Variants in GPR21 observed in about 807,000 individuals in gnomAD.
The protein encoded by GPR21 is probable G protein-coupled receptor 21.
GPR21 carries 9 observed loss-of-function variants against 21.5 expected under a neutral mutation model. The observed-to-expected ratio is 0.42, with a 90% confidence interval of 0.25 to 0.73. The LOEUF (loss-of-function observed/expected upper bound fraction) is 0.73, where lower values mean the gene tolerates loss of function less well. GPR21 is among the 30% of genes least tolerant of loss of function. The pLI, the probability that GPR21 is intolerant of heterozygous loss-of-function variation, is 0.27. For missense variants in GPR21, 416 were observed against 428.9 expected (o/e 0.97, Z 0.27); for synonymous variants, 169 against 159.3 (o/e 1.06, Z -0.46).
chr9:123,034,677 T>G lies in GPR21; in HGVS notation c.111T>G (p.Phe37Leu), dbSNP rs752206999. Residue 37 changes from phenylalanine to leucine, a missense_variant, in exon 2 of 2, where the codon TTT becomes TTG. By Grantham distance (22) the Phe-to-Leu change is conservative. Transcript: ENST00000616002. ...TTTTGGAAGTATTGATTATTGTCTT[T>G]CTAACTGTATTGATTATTTCTGGCA... ...FCLLEVLIIV[F>L]LTVLIISGNI... 6.2e-6 allele frequency: 10 copies of G among 1,613,160 alleles called. No individual in the cohort carries two copies. The highest frequency in any genetic ancestry group is 8.5e-6 in the Non-Finnish European group (10 of 1,179,182).
rs574338611 is a variant in GPR21, at chr9:123,033,913, G to A, written c.-397+171G>A. ...TATAAGCAAATTCCTTTTCTCCCCC[G>A]TCTCAAATGAAAGGAAATGGGGGTA... On this transcript the variant is annotated intron_variant, in intron 1 of 1. Coordinates refer to ENST00000616002, the MANE Select transcript of GPR21 (RefSeq NM_005294.3). 2.7e-4 allele frequency among the ~76,000 whole-genome samples: 41 copies of A among 152,238 alleles called. 1 individual carries two copies. In the South Asian group the frequency reaches 6.9e-3, roughly 25 times the overall value.
the GPR21 span, among the ~76,000 whole-genome samples, chr9:123,046,437 G>A: frequency 1.3e-5 from 2 of 152,306 alleles, no homozygotes; most frequent in African/African-American, 4.8e-5. Context: ...AGGAGACTGT[G>A]TAATGTGTAG....
At chr9:123,043,554 T>C in the GPR21 span, among the ~76,000 whole-genome samples, 1 of 152,038 alleles carries the variant, frequency 6.6e-6, no homozygotes, top group Non-Finnish European at 1.5e-5. Flanking sequence ...GATTCAGTTA[T>C]GTGTTGCTGT....
At chr9:123,047,638 A>G in the GPR21 span, among the ~76,000 whole-genome samples, 4 of 152,106 alleles carry the variant, frequency 2.6e-5, no homozygotes. Flanking sequence ...AAAAATTAAA[A>G]TCTTCAATAT....
At chr9:123,043,334 C>G in the GPR21 span, among the ~76,000 whole-genome samples, 5 of 151,914 alleles carry the variant, frequency 3.3e-5, no homozygotes, top group African/African-American at 1.2e-4. Flanking sequence ...TAAATAGGAG[C>G]AGGAACAAAG....
chr9:123,048,794 C>G, the GPR21 span, among the ~76,000 whole-genome samples: 21 of 152,086 alleles, frequency 1.4e-4, 2 homozygotes. Context: ...TGAGTATTTC[C>G]TGCTTCTTGG....
downstream of GPR21, chr9:123,035,748 A>C: frequency 1.6e-6 from 1 of 608,038 alleles, no homozygotes; most frequent in East Asian, 2.8e-5. Flanking sequence ...ACTCTAAACA[A>C]TAGCATACAA....
downstream of GPR21, among the ~76,000 whole-genome samples, chr9:123,036,553 T>C (rs766348596): frequency 6.6e-6 from 1 of 152,192 alleles, no homozygotes; most frequent in Non-Finnish European, 1.5e-5. Flanking sequence ...TTCTGAAATA[T>C]TAGAACATCA....
At chr9:123,048,568 G>C in the GPR21 span, among the ~76,000 whole-genome samples, 1 of 152,194 alleles carries the variant, frequency 6.6e-6, no homozygotes, top group African/African-American at 2.4e-5. Flanking sequence ...GCTGTACTAA[G>C]AGAGCATTTG....
At chr9:123,036,981 G>T (rs2032698068), downstream of GPR21, among the ~76,000 whole-genome samples, 1 of 152,156 alleles carries the variant, frequency 6.6e-6, no homozygotes, top group Non-Finnish European at 1.5e-5. Flanking sequence ...AGGAGAGAAG[G>T]AATTCCGGCA....
chr9:123,033,837 T>C (rs2032448082), intron 1 of GPR21, 95 bp downstream of exon 1: 1 of 152,238 alleles, frequency 6.6e-6, no homozygotes, highest in Non-Finnish European at 1.5e-5. Context: ...AAGTAAATTA[T>C]CTTGGCTAAT....
chr9:123,040,122 T>C (rs2032880192), downstream of GPR21, among the ~76,000 whole-genome samples: 1 of 152,130 alleles, frequency 6.6e-6, no homozygotes, highest in Non-Finnish European at 1.5e-5. Flanking sequence ...TAGAACTATA[T>C]AGTCTTTAGG....
downstream of GPR21, among the ~76,000 whole-genome samples, chr9:123,039,671 C>T (rs578199925): frequency 6.6e-6 from 1 of 152,192 alleles, no homozygotes; most frequent in South Asian, 2.1e-4. Flanking sequence ...TAGCTTCGGC[C>T]CAGAGAACTT....
chr9:123,035,869 A>C (rs995462059), downstream of GPR21, among the ~76,000 whole-genome samples: 1 of 152,328 alleles, frequency 6.6e-6, no homozygotes, highest in Admixed American at 6.5e-5. Flanking sequence ...AATTTTTGAA[A>C]TGTCTTGGAA....
downstream of GPR21, chr9:123,035,693 C>CT: frequency 4.8e-6 from 4 of 837,758 alleles, no homozygotes; most frequent in East Asian, 4.9e-5. Flanking sequence ...TATTTTATCT[C>CT]TAAGTATTCC....
chr9:123,045,233 A>T, the GPR21 span, among the ~76,000 whole-genome samples: 1 of 152,216 alleles, frequency 6.6e-6, no homozygotes, highest in Non-Finnish European at 1.5e-5. Context: ...TTTAAATAGC[A>T]TTATTTATTT....
chr9:123,047,919 G>GTTTTTTTTTTTTTTTTTTTTTTTTTTTT, the GPR21 span, among the ~76,000 whole-genome samples: 6 of 62,282 alleles, frequency 9.6e-5, 2 homozygotes, highest in Non-Finnish European at 2.1e-4. Context: ...CAGCTGCTGG[G>GTTTTTTTTTTTTTTTTTTTTTTTTTTTT]TTTTTTTTTT....
At chr9:123,035,689 ATC>A, downstream of GPR21, 1 of 841,766 alleles carries the variant, frequency 1.2e-6, no homozygotes, top group Non-Finnish European at 1.8e-6. Flanking sequence ...TGTGTATTTT[ATC>A]TCTAAGTATT....
the GPR21 span, among the ~76,000 whole-genome samples, chr9:123,045,386 C>T: frequency 6.6e-6 from 1 of 152,082 alleles, no homozygotes; most frequent in South Asian, 2.1e-4. Flanking sequence ...AGACTAAAGC[C>T]TTTTTTCATT....
Sources: allele counts gnomAD v4.1 joint callset (sites outside exome capture counted in the v4.1 genomes callset), GRCh38; gene constraint gnomAD v4.1.1; transcripts MANE v1.5; gene names NCBI Gene and HGNC (gene_info 2026-07-23, HGNC 2026-07-21).